Variants in TTLL11 observed in about 807,000 individuals in gnomAD.
The protein encoded by TTLL11 is tubulin tyrosine ligase like 11.
In TTLL11, 42 loss-of-function variants were observed where a neutral mutation model predicts 51.7. The ratio of observed to expected loss-of-function variants is 0.81; its 90% confidence interval spans 0.64 to 1.05. The LOEUF (loss-of-function observed/expected upper bound fraction) is 1.05. Ranked by LOEUF, TTLL11 falls within the 50% of genes least tolerant of loss-of-function variation. The pLI is 0.00. For missense variants in TTLL11, 799 were observed against 940.4 expected (o/e 0.85, Z 1.97); for synonymous variants, 381 against 383.5 (o/e 0.99, Z 0.08).
Position 121,995,795 on chromosome 9 carries a change from C to A in TTLL11, c.694-6025G>T, listed in dbSNP as rs905650511. On this transcript the variant is annotated intron_variant, in intron 3 of 8. Coordinates refer to ENST00000321582, the MANE Select transcript of TTLL11 (RefSeq NM_001139442.2). The surrounding 1 kb of genome is among the most constrained non-coding windows in gnomAD (Gnocchi z 4.4). ...GATTAATTCTGATACAACAACTCTC[C>A]CAAGCTTGGAAAGAATAAGAGCTGC... 9.2e-5 allele frequency among the ~76,000 whole-genome samples: 14 copies of A among 152,132 alleles called. No homozygotes were observed. Among genetic ancestry groups the A allele is most frequent in the African/African-American group, 3.4e-4 (14 of 41,418 alleles).
rs557371956 is a variant in TTLL11 at position 121,822,637 on chromosome 9, G to C, written c.2083C>G (p.Arg695Gly). 6 of 1,506,696 alleles carry C rather than the reference G, an allele frequency of 4.0e-6. No homozygotes were observed. The highest frequency in any genetic ancestry group is 5.3e-6 in the Non-Finnish European group (6 of 1,127,106). 93.3% of individuals were successfully genotyped at this position (1,506,696 alleles called of 1,614,324 possible). ...AQPAGDNPPP[R>G]TSCANKLSHP... ...GAGAGCTTATTGGCACAGCTGGTGCGGGGTGGGGGGTTGTCCCCTGCTGGC... is the reference window on the plus strand; with the variant it reads ...GAGAGCTTATTGGCACAGCTGGTGCCGGGTGGGGGGTTGTCCCCTGCTGGC... The change falls in exon 9 of 9, where the codon CGC (arginine) becomes GGC (glycine). Residue 695 changes from arginine (R) to glycine (G), a missense_variant. Arg to Gly is a moderately radical substitution (Grantham distance 125). Coordinates refer to ENST00000321582, the MANE Select transcript of TTLL11 (RefSeq NM_001139442.2). This position sits in a 1 kb window ranked among gnomAD's most constrained non-coding sequence, Gnocchi z 5.8.
intron 6 of TTLL11, among the ~76,000 whole-genome samples, chr9:121,940,121 T>C (rs1284670936): frequency 6.6e-6 from 1 of 152,144 alleles, no homozygotes; most frequent in Admixed American, 6.5e-5. Flanking sequence ...ATGGCACAGG[T>C]CAAACATTTA....
chr9:122,074,004 G>A (rs1378339483), intron 1 of TTLL11, among the ~76,000 whole-genome samples: 6 of 152,172 alleles, frequency 3.9e-5, no homozygotes, highest in Admixed American at 2.0e-4. Context: ...CGGGCGCAGT[G>A]GCTTACACCT....
intron 1 of TTLL11, among the ~76,000 whole-genome samples, chr9:122,053,307 A>G (rs1428478002): frequency 6.6e-6 from 1 of 152,152 alleles, no homozygotes; most frequent in Non-Finnish European, 1.5e-5. Flanking sequence ...AGGAGGGGCC[A>G]CTGGAGCGGG....
intron 3 of TTLL11, among the ~76,000 whole-genome samples, chr9:122,016,468 G>A (rs778468814): frequency 3.9e-5 from 6 of 152,172 alleles, no homozygotes; most frequent in Non-Finnish European, 7.4e-5. Flanking sequence ...TAGATTTACC[G>A]GAAGGTTATT....
At chr9:122,036,106 C>T (rs546852353) in intron 2 of TTLL11, among the ~76,000 whole-genome samples, 201 of 152,260 alleles carry the variant, frequency 1.3e-3, no homozygotes, top group Middle Eastern at 0.01. Flanking sequence ...AGGTTGCCCG[C>T]CCTTGCTCCG....
intron 4 of TTLL11, among the ~76,000 whole-genome samples, chr9:121,977,956 T>C (rs1842752223): frequency 1.3e-5 from 2 of 152,172 alleles, no homozygotes; most frequent in African/African-American, 4.8e-5. Context: ...ATTACAGACG[T>C]GAGCCACCGC....
At chr9:121,858,062 T>A (rs1837882338) in intron 8 of TTLL11, among the ~76,000 whole-genome samples, 1 of 152,170 alleles carries the variant, frequency 6.6e-6, no homozygotes, top group East Asian at 1.9e-4. Context: ...TGCTCGATTG[T>A]CACATGAGCA....
chr9:122,055,203 GGATAGATAGATAGATAGATAGATA>G (rs1222958113), intron 1 of TTLL11, among the ~76,000 whole-genome samples: 2 of 144,652 alleles, frequency 1.4e-5, no homozygotes, highest in African/African-American at 5.2e-5. Flanking sequence ...AGGACTAATA[GGATAGATAGATAGATAGATAGATA>G]GATAGATAGA....
chr9:121,849,710 T>C (rs980865574), intron 8 of TTLL11, among the ~76,000 whole-genome samples: 4 of 152,184 alleles, frequency 2.6e-5, no homozygotes, highest in African/African-American at 9.7e-5. Flanking sequence ...ACTATATACC[T>C]ATCAAAATGG....
intron 2 of TTLL11, among the ~76,000 whole-genome samples, chr9:122,038,449 AGCCTGGCCAAC>A (rs1373938980): frequency 6.6e-6 from 1 of 152,114 alleles, no homozygotes; most frequent in Non-Finnish European, 1.5e-5. Context: ...GTTCGAGACC[AGCCTGGCCAAC>A]GTGACATGGC....
intron 4 of TTLL11, among the ~76,000 whole-genome samples, chr9:121,982,080 A>G (rs1842840985): frequency 6.6e-6 from 1 of 152,102 alleles, no homozygotes; most frequent in Non-Finnish European, 1.5e-5. Context: ...AATTCCAGCT[A>G]CCTTAGCCTT....
chr9:122,092,661 CG>C (rs1564394992), intron 1 of TTLL11, 25 bp downstream of exon 1: 5 of 1,535,932 alleles, frequency 3.3e-6, no homozygotes, highest in Non-Finnish European at 4.4e-6. Context: ...ACTGTGCCCA[CG>C]CGGCCGGGTC....
At chr9:122,069,503 C>T (rs2131889918) in intron 1 of TTLL11, among the ~76,000 whole-genome samples, 1 of 152,204 alleles carries the variant, frequency 6.6e-6, no homozygotes, top group African/African-American at 2.4e-5. Flanking sequence ...GCCAACATGG[C>T]AAAACCTCGT....
chr9:121,950,349 A>T (rs184529610), intron 6 of TTLL11, among the ~76,000 whole-genome samples: 1 of 152,252 alleles, frequency 6.6e-6, no homozygotes, highest in East Asian at 1.9e-4. Flanking sequence ...ACCACATCCC[A>T]GGCACTGTTT....
intron 4 of TTLL11, among the ~76,000 whole-genome samples, chr9:121,980,857 G>C (rs1842811262): frequency 6.6e-6 from 1 of 152,220 alleles, no homozygotes; most frequent in Non-Finnish European, 1.5e-5. Flanking sequence ...TTCTAAAGAG[G>C]AGACACTTGT....
intron 6 of TTLL11, among the ~76,000 whole-genome samples, chr9:121,889,071 A>G (rs1300462372): frequency 1.3e-5 from 2 of 152,078 alleles, no homozygotes; most frequent in African/African-American, 2.4e-5. Flanking sequence ...TAGCAATAAT[A>G]TCTAATACAT....
At chr9:121,913,404 T>C (rs948534833) in intron 6 of TTLL11, among the ~76,000 whole-genome samples, 1 of 152,240 alleles carries the variant, frequency 6.6e-6, no homozygotes, top group Non-Finnish European at 1.5e-5. Flanking sequence ...CCCAGCACAG[T>C]CTTCTCTGCC....
chr9:122,010,341 C>T (rs1418409475), intron 3 of TTLL11, among the ~76,000 whole-genome samples: 1 of 152,192 alleles, frequency 6.6e-6, no homozygotes, highest in African/African-American at 2.4e-5. Flanking sequence ...GCAATTGTAA[C>T]ACCCCTTTAG....
Sources: gnomAD v4.1 joint callset for allele counts (sites outside exome capture counted in the v4.1 genomes callset) on GRCh38, gnomAD v4.1.1 for gene constraint, Gnocchi (gnomAD v3.1) non-coding constraint, MANE v1.5 for transcripts, NCBI Gene and HGNC (gene_info 2026-07-23, HGNC 2026-07-21) for gene names.